Variants in NPAS3 observed in about 807,000 individuals in gnomAD.
NPAS3 encodes the protein neuronal PAS domain protein 3, also known as neuronal PAS domain-containing protein 3.
NPAS3 carries 14 observed loss-of-function variants against 73.1 expected under a neutral mutation model. The ratio of observed to expected loss-of-function variants is 0.19; its 90% confidence interval spans 0.13 to 0.30. The LOEUF is 0.30. Among genes scored for constraint, NPAS3 ranks in the 10% least tolerant of loss-of-function variants. The pLI is 1.00. For synonymous variants in NPAS3, 620 were observed against 541.5 expected (o/e 1.14, Z -2.01); for missense variants, 1,096 against 1,250.0 (o/e 0.88, Z 1.86).
At chr14:33,676,595 T>C (rs1242849840) in intron 6 of NPAS3, among the ~76,000 whole-genome samples, 1 of 152,248 alleles carries the variant, frequency 6.6e-6, no homozygotes, top group Non-Finnish European at 1.5e-5. Context: ...CTAATTTCAG[T>C]TGAACAATAC....
At chr14:33,065,648 T>A (rs2041251164) in intron 2 of NPAS3, among the ~76,000 whole-genome samples, 1 of 152,044 alleles carries the variant, frequency 6.6e-6, no homozygotes. Flanking sequence ...CACATCTTAT[T>A]TAAATCCTAA....
chr14:33,218,079 G>A (rs1414267353), intron 3 of NPAS3, among the ~76,000 whole-genome samples: 3 of 152,126 alleles, frequency 2.0e-5, no homozygotes, highest in Non-Finnish European at 2.9e-5. Flanking sequence ...TGTGGTTGCT[G>A]CCCCCACGTT....
rs151073405 is a variant in NPAS3 at position 33,487,257 on chromosome 14, A to G, written c.469-72864A>G. Reference sequence around the variant, plus strand: ...AATTGCCCACTTAAATTTTTGTTTCATATTTCTTCATTCTCTTAACCAAGT... The same window carrying G: ...AATTGCCCACTTAAATTTTTGTTTCGTATTTCTTCATTCTCTTAACCAAGT... On this transcript the variant is annotated intron_variant, in intron 4 of 11. Coordinates refer to ENST00000356141, the Ensembl canonical transcript of NPAS3. Among the ~76,000 whole-genome samples the G allele has an allele frequency of 1.9e-3, 295 of 152,332 alleles. 1 individual carries two copies. The highest frequency in any genetic ancestry group is 6.8e-3 in the African/African-American group (281 of 41,588).
chr14:33,741,005 G>A (rs2061642489), intron 7 of NPAS3, among the ~76,000 whole-genome samples: 1 of 152,118 alleles, frequency 6.6e-6, no homozygotes, highest in Non-Finnish European at 1.5e-5. Flanking sequence ...ACCAGGAAAA[G>A]TATAGCCTGG....
At chr14:33,605,615 CAGT>C (rs2057535416) in intron 5 of NPAS3, among the ~76,000 whole-genome samples, 1 of 152,092 alleles carries the variant, frequency 6.6e-6, no homozygotes, top group Non-Finnish European at 1.5e-5. Context: ...AAGAATAAGT[CAGT>C]AGCATTGACA....
chr14:33,616,526 T>G (rs1284074794), intron 5 of NPAS3, among the ~76,000 whole-genome samples: 1 of 152,176 alleles, frequency 6.6e-6, no homozygotes, highest in East Asian at 1.9e-4. Flanking sequence ...ATACTTTCCC[T>G]GTTCTTCCTG....
intron 1 of NPAS3, among the ~76,000 whole-genome samples, chr14:33,050,929 A>G (rs2138491116): frequency 6.6e-6 from 1 of 152,340 alleles, no homozygotes; most frequent in South Asian, 2.1e-4. Flanking sequence ...CAGGTAGTGA[A>G]GTAGATCTTT....
At chr14:32,980,962 C>A (rs1258179538) in intron 1 of NPAS3, among the ~76,000 whole-genome samples, 2 of 152,146 alleles carry the variant, frequency 1.3e-5, no homozygotes, top group African/African-American at 4.8e-5. Context: ...CACATACACA[C>A]ACACACATAT....
intron 4 of NPAS3, among the ~76,000 whole-genome samples, chr14:33,382,379 T>C (rs1420867013): frequency 6.6e-6 from 1 of 152,208 alleles, no homozygotes; most frequent in Non-Finnish European, 1.5e-5. Context: ...CCATGATCTT[T>C]GGAGATCCTT....
chr14:33,800,795 C>G lies in NPAS3; in HGVS notation c.2488C>G (p.Arg830Gly). 1 of 1,589,566 alleles carries G rather than the reference C, an allele frequency of 6.3e-7. No individual in the cohort carries two copies. Among genetic ancestry groups the G allele is most frequent in the Non-Finnish European group, 8.6e-7 (1 of 1,169,102 alleles). The change falls in exon 12 of 12, where the codon CGC becomes GGC. Residue 830 changes from arginine (R) to glycine (G), a missense_variant. Around this residue, in one of 5 missense-constraint regions of NPAS3, gnomAD observed 698 missense variants for 676.7 expected, o/e 1.03. Transcript: ENST00000356141. The surrounding 1 kb of genome is among the most constrained non-coding windows in gnomAD (Gnocchi z 6.5). ...GAGGGTCTACACCACGGGCACCATC[C>G]GCTACGCGCCCGCCGAGGTGACCCT...
chr14:33,016,988 A>G (rs1219872753), intron 1 of NPAS3, among the ~76,000 whole-genome samples: 1 of 152,196 alleles, frequency 6.6e-6, no homozygotes, highest in East Asian at 1.9e-4. Flanking sequence ...TTTTCAAATT[A>G]GAAAGGGCAG....
At chr14:33,505,945 G>C (rs190689255) in intron 4 of NPAS3, among the ~76,000 whole-genome samples, 1 of 151,704 alleles carries the variant, frequency 6.6e-6, no homozygotes, top group Admixed American at 6.6e-5. Context: ...CTTTTACATC[G>C]CCTTTCTTTC....
At chr14:33,053,508 T>A (rs928805793) in intron 1 of NPAS3, among the ~76,000 whole-genome samples, 5 of 152,152 alleles carry the variant, frequency 3.3e-5, no homozygotes, top group African/African-American at 1.2e-4. Context: ...TTTATAATAG[T>A]TTCACGATTG....
intron 1 of NPAS3, among the ~76,000 whole-genome samples, chr14:33,019,809 C>T (rs1156356483): frequency 1.3e-5 from 2 of 152,312 alleles, no homozygotes; most frequent in Non-Finnish European, 2.9e-5. Context: ...GACAGATTAA[C>T]ATTTTGGTCG....
At chr14:33,540,669 A>G (rs1340831688) in intron 4 of NPAS3, among the ~76,000 whole-genome samples, 2 of 152,068 alleles carry the variant, frequency 1.3e-5, no homozygotes, top group African/African-American at 2.4e-5. Flanking sequence ...GAGAAGGGGG[A>G]AAAATGGGGT....
At chr14:33,603,163 A>G (rs2057453175) in intron 5 of NPAS3, among the ~76,000 whole-genome samples, 1 of 152,210 alleles carries the variant, frequency 6.6e-6, no homozygotes. Context: ...GAGACATGAA[A>G]CATGTGGAAG....
At chr14:33,779,341 G>A (rs888846255) in intron 9 of NPAS3, among the ~76,000 whole-genome samples, 1 of 152,182 alleles carries the variant, frequency 6.6e-6, no homozygotes, top group African/African-American at 2.4e-5. Context: ...ACTGTCCATG[G>A]AAGGGGTCTG....
chr14:33,089,103 C>T (rs1032302126), intron 2 of NPAS3, among the ~76,000 whole-genome samples: 3 of 151,936 alleles, frequency 2.0e-5, no homozygotes, highest in African/African-American at 7.3e-5. Flanking sequence ...TCTCCCCCTC[C>T]AAAGGAACGC....
At chr14:33,071,990 A>G (rs1031183159) in intron 2 of NPAS3, among the ~76,000 whole-genome samples, 1 of 152,120 alleles carries the variant, frequency 6.6e-6, no homozygotes, top group African/African-American at 2.4e-5. Flanking sequence ...TCCCAGGTTC[A>G]AGCAATTCTC....
Sources: allele counts gnomAD v4.1 joint callset (sites outside exome capture counted in the v4.1 genomes callset), GRCh38; gene constraint gnomAD v4.1.1; regional missense constraint gnomAD v4.1.1; non-coding constraint Gnocchi (gnomAD v3.1); transcripts MANE v1.5; gene names NCBI Gene and HGNC (gene_info 2026-07-23, HGNC 2026-07-21).